Variants in CSMD3 observed in about 807,000 individuals in gnomAD.
The protein encoded by CSMD3 is CUB and sushi domain-containing protein 3.
CSMD3 carries 177 observed loss-of-function variants against 435.2 expected under a neutral mutation model. The ratio of observed to expected loss-of-function variants is 0.41; its 90% confidence interval spans 0.36 to 0.46. CSMD3 has a LOEUF of 0.46. CSMD3 is among the 20% of genes least tolerant of loss of function. The probability of loss-of-function intolerance (pLI) is 0.34; values close to 1 mark genes in which losing one functional copy is unlikely to be tolerated. For missense variants in CSMD3, 4,265 were observed against 4,504.6 expected, an observed-to-expected ratio of 0.95 and a Z score of 1.52; for synonymous variants, 1,656 against 1,520.5, an observed-to-expected ratio of 1.09 and a Z score of -2.07.
intron 67 of CSMD3, 25 bp from the exon 68 acceptor site, chr8:112,234,502 TCTA>T: frequency 8.0e-7 from 1 of 1,255,110 alleles, no homozygotes; most frequent in Non-Finnish European, 1.2e-6. Flanking sequence ...GACATTTTAG[TCTA>T]CTTAACTTTG....
At chr8:112,495,095 A>G (rs1821202633) in intron 30 of CSMD3, among the ~76,000 whole-genome samples, 2 of 152,190 alleles carry the variant, frequency 1.3e-5, no homozygotes, top group African/African-American at 4.8e-5. Context: ...TAATTTGGTC[A>G]CTAAGAATGG....
chr8:112,269,037 C>T (rs186228527), intron 59 of CSMD3, among the ~76,000 whole-genome samples: 39 of 152,290 alleles, frequency 2.6e-4, no homozygotes, highest in African/African-American at 9.1e-4. Flanking sequence ...CCTGCCCCTG[C>T]ACTGTGACAA....
intron 32 of CSMD3, among the ~76,000 whole-genome samples, chr8:112,451,281 A>G (rs1366285244): frequency 6.6e-6 from 1 of 152,138 alleles, no homozygotes; most frequent in East Asian, 1.9e-4. Context: ...AATTCTTTGT[A>G]TTTTTTAGAA....
At chr8:112,730,839 G>T (rs1273698569) in intron 13 of CSMD3, among the ~76,000 whole-genome samples, 2 of 152,108 alleles carry the variant, frequency 1.3e-5, no homozygotes, top group Non-Finnish European at 2.9e-5. Context: ...AACGAAGTGG[G>T]TGTACTATTT....
rs1563684125 is a variant in CSMD3, at chr8:112,247,023, T to C, written c.10219A>G (p.Ile3407Val). The C allele has an allele frequency of 6.2e-7, 1 of 1,600,080 alleles. No individual in the cohort carries two copies. Among genetic ancestry groups the C allele is most frequent in the Non-Finnish European group, 8.6e-7 (1 of 1,167,262 alleles). The change falls in exon 64 of 71, where the codon ATA becomes GTA. Residue 3407 changes from isoleucine to valine, a missense_variant. By Grantham distance (29) the Ile-to-Val change is conservative. Transcript: ENST00000297405. Reference sequence around the variant, plus strand: ...ATTTCTTATCCATAATACTTACGTATGCATTCAGGCTGAATCCCACTCCAC... The same window carrying C: ...ATTTCTTATCCATAATACTTACGTACGCATTCAGGCTGAATCCCACTCCAC... ...LTWSGIQPEC[I>V]PHSCKQPETP...
chr8:113,270,800 G>A (rs1361461319), intron 3 of CSMD3, among the ~76,000 whole-genome samples: 1 of 151,768 alleles, frequency 6.6e-6, no homozygotes, highest in African/African-American at 2.4e-5. Flanking sequence ...ACAGGAAGGG[G>A]GACATCACGC....
chr8:112,907,862 A>G (rs980346848), intron 10 of CSMD3, among the ~76,000 whole-genome samples: 21 of 151,466 alleles, frequency 1.4e-4, no homozygotes, highest in African/African-American at 4.4e-4. Flanking sequence ...GATACTAGTG[A>G]TATGTAAATC....
intron 3 of CSMD3, among the ~76,000 whole-genome samples, chr8:113,207,970 C>T (rs1406615420): frequency 6.6e-6 from 1 of 152,162 alleles, no homozygotes; most frequent in East Asian, 1.9e-4. Context: ...TAGCTCTCTG[C>T]ATATATTTCT....
At chr8:112,695,623 T>C (rs1160957302) in intron 13 of CSMD3, among the ~76,000 whole-genome samples, 1 of 152,318 alleles carries the variant, frequency 6.6e-6, no homozygotes, top group Non-Finnish European at 1.5e-5. Flanking sequence ...ACAGCCAATG[T>C]CATGCTGAAT....
chr8:112,432,097 T>C (rs1298380185), intron 32 of CSMD3, among the ~76,000 whole-genome samples: 1 of 151,610 alleles, frequency 6.6e-6, no homozygotes, highest in Non-Finnish European at 1.5e-5. Flanking sequence ...AAATACCTCC[T>C]ACAGGTGAAA....
intron 32 of CSMD3, among the ~76,000 whole-genome samples, chr8:112,411,051 A>T (rs1402681553): frequency 6.6e-6 from 1 of 151,034 alleles, no homozygotes; most frequent in Non-Finnish European, 1.5e-5. Flanking sequence ...CTATATTTAC[A>T]AACATTTAAA....
At chr8:112,438,163 T>A (rs865938518) in intron 32 of CSMD3, among the ~76,000 whole-genome samples, 38 of 152,154 alleles carry the variant, frequency 2.5e-4, no homozygotes, top group Admixed American at 2.6e-4. Flanking sequence ...TCATAGCATT[T>A]CAGTGACAGG....
intron 3 of CSMD3, among the ~76,000 whole-genome samples, chr8:113,249,201 C>A (rs2093310966): frequency 1.3e-5 from 2 of 152,192 alleles, no homozygotes; most frequent in African/African-American, 4.8e-5. Flanking sequence ...ACTGTGAGGC[C>A]TCCCCAGCCA....
At chr8:112,532,137 A>G (rs967373985) in intron 27 of CSMD3, among the ~76,000 whole-genome samples, 8 of 152,118 alleles carry the variant, frequency 5.3e-5, no homozygotes, top group Non-Finnish European at 1.0e-4. Flanking sequence ...TAAGCAGAAG[A>G]AAGAATTCAT....
chr8:112,417,153 T>C (rs1022244762), intron 32 of CSMD3, among the ~76,000 whole-genome samples: 2 of 152,164 alleles, frequency 1.3e-5, no homozygotes, highest in African/African-American at 4.8e-5. Context: ...TGAGCAGATT[T>C]AGGAAGATTA....
intron 7 of CSMD3, 150 bp from the exon 8 acceptor site, chr8:112,954,911 G>A (rs1398912503): frequency 4.9e-6 from 3 of 614,964 alleles, no homozygotes; most frequent in Non-Finnish European, 8.6e-6. Context: ...TTTTTTTAAA[G>A]CAATATAATC....
chr8:112,923,758 C>T (rs547104835), intron 9 of CSMD3, among the ~76,000 whole-genome samples: 2 of 152,122 alleles, frequency 1.3e-5, no homozygotes, highest in East Asian at 3.9e-4. Context: ...CAAACATTTC[C>T]AAAAGTATTG....
chr8:112,760,408 T>C (rs978880953), intron 13 of CSMD3, among the ~76,000 whole-genome samples: 4 of 152,186 alleles, frequency 2.6e-5, no homozygotes, highest in Non-Finnish European at 4.4e-5. Context: ...CAATGAAAAA[T>C]GAAATGTGTC....
At chr8:112,732,874 C>A (rs1049426031) in intron 13 of CSMD3, among the ~76,000 whole-genome samples, 1 of 151,994 alleles carries the variant, frequency 6.6e-6, no homozygotes, top group African/African-American at 2.4e-5. Context: ...TTAAAAATTA[C>A]CAGTGTAACC....
Sources: allele counts gnomAD v4.1 joint callset (sites outside exome capture counted in the v4.1 genomes callset), GRCh38; gene constraint gnomAD v4.1.1; transcripts MANE v1.5; gene names NCBI Gene and HGNC (gene_info 2026-07-23, HGNC 2026-07-21).